PLA2G15: variants seen among roughly 807,000 people sequenced by gnomAD.
PLA2G15 encodes lysosomal phospholipase A and acyltransferase.
PLA2G15 carries 20 observed loss-of-function variants against 40.9 expected under a neutral mutation model. The observed-to-expected ratio is 0.49, with a 90% CI of 0.34 to 0.71. The LOEUF (loss-of-function observed/expected upper bound fraction) is 0.71, where lower values mean the gene tolerates loss of function less well. Among genes scored for constraint, PLA2G15 ranks in the 30% least tolerant of loss-of-function variants. The pLI is 0.01. For missense variants in PLA2G15, 471 were observed against 541.9 expected, an observed-to-expected ratio of 0.87 and a Z score of 1.30; for synonymous variants, 223 against 228.2, an observed-to-expected ratio of 0.98 and a Z score of 0.21.
At position 68,259,523 on chromosome 16, in the gene PLA2G15, C is replaced by T. The variant is rs200593918; in HGVS notation, c.1105C>T (p.Leu369=). 13 of 1,613,326 alleles carry T rather than the reference C, an allele frequency of 8.1e-6. No individual in the cohort carries two copies. The East Asian group carries it at 2.9e-4, about 36-fold the overall frequency. The change falls in exon 6 of 6, where the codon CTG becomes TTG. Residue 369 remains leucine (L), a synonymous_variant. Coordinates refer to ENST00000219345, the MANE Select transcript of PLA2G15 (RefSeq NM_012320.4). This position sits in a 1 kb window ranked among gnomAD's most constrained non-coding sequence, Gnocchi z 6.5. ...GDGTVNLKSA[L]QCQAWQSRQE... The stretch of plus-strand genomic sequence containing the variant: ...TGGTACTGTGAACTTGAAGAGTGCC[C>T]TGCAGTGCCAGGCCTGGCAGAGCCG...
At chr16:68,246,815 C>T (rs1331779949) in intron 1 of PLA2G15, among the ~76,000 whole-genome samples, 1 of 152,124 alleles carries the variant, frequency 6.6e-6, no homozygotes, top group Non-Finnish European at 1.5e-5. Flanking sequence ...GTGAGCATCT[C>T]AGGCTGCCTG....
Position 68,259,396 on chromosome 16 carries a change from G to A in PLA2G15, c.978G>A (p.Val326=), listed in dbSNP as rs774180353. 46 of 1,614,042 alleles carry A rather than the reference G, an allele frequency of 2.8e-5. No individual in the cohort carries two copies. In the South Asian group the frequency reaches 4.6e-4, roughly 16 times the overall value. The change falls in exon 6 of 6, where the codon GTG becomes GTA. Residue 326 remains valine, a synonymous_variant. Coordinates refer to ENST00000219345, the MANE Select transcript of PLA2G15 (RefSeq NM_012320.4). This position sits in a 1 kb window ranked among gnomAD's most constrained non-coding sequence, Gnocchi z 6.5. The part of the protein sequence containing the change: ...GLVEATMPPG[V]QLHCLYGTGV... ...TGGAAGCCACGATGCCACCTGGCGT[G>A]CAGCTGCACTGCCTCTATGGTACTG... is the stretch of plus-strand genomic sequence containing the variant.
Position 68,245,409 on chromosome 16 carries a change from C to T in PLA2G15, c.-18C>T, listed in dbSNP as rs768185738. The T allele has an allele frequency of 1.2e-6, 2 of 1,600,984 alleles. No individual in the cohort carries two copies. The highest frequency in any genetic ancestry group is 1.7e-4 in the Middle Eastern group (1 of 6,052). Reference sequence around the variant, plus strand: ...GAGCTGAACCTGCATCCCGGACCTGCGGCGACCGTCGTACACCATGGGCCT... The same window carrying T: ...GAGCTGAACCTGCATCCCGGACCTGTGGCGACCGTCGTACACCATGGGCCT... On this transcript the variant is annotated 5_prime_UTR_variant, in exon 1 of 6. Coordinates refer to ENST00000219345, the MANE Select transcript of PLA2G15 (RefSeq NM_012320.4).
At chr16:68,258,219 C>T (rs567710715) in intron 5 of PLA2G15, among the ~76,000 whole-genome samples, 7 of 152,346 alleles carry the variant, frequency 4.6e-5, no homozygotes, top group South Asian at 2.1e-4. Flanking sequence ...GTCTCCAGCA[C>T]GCCTGGCTGC....
At chr16:68,247,238 T>C (rs2042317116) in intron 1 of PLA2G15, among the ~76,000 whole-genome samples, 1 of 152,068 alleles carries the variant, frequency 6.6e-6, no homozygotes, top group African/African-American at 2.4e-5. Context: ...ATCAGAATCC[T>C]CTAGGGGTGG....
At position 68,249,270 on chromosome 16, in the gene PLA2G15, A is replaced by G. The variant is rs2042334484; in HGVS notation, c.128-20A>G. The stretch of plus-strand genomic sequence containing the variant: ...AACCTGCCGGGCTGAGGGCTCACAC[A>G]TGTCCTGTGCCCCCTGCAGTCCCTG... On this transcript the variant is annotated intron_variant, in intron 1 of 5. Coordinates refer to ENST00000219345, the MANE Select transcript of PLA2G15 (RefSeq NM_012320.4). 5 of 1,613,080 alleles carry G rather than the reference A, an allele frequency of 3.1e-6. No homozygotes were observed. Among genetic ancestry groups the G allele is most frequent in the South Asian group, 2.2e-5 (2 of 91,036 alleles).
At chr16:68,258,489 CTGG>C (rs1475027866) in intron 5 of PLA2G15, among the ~76,000 whole-genome samples, 2 of 152,122 alleles carry the variant, frequency 1.3e-5, no homozygotes, top group African/African-American at 4.8e-5. Flanking sequence ...GCCTTACTCC[CTGG>C]TGAGGAAAGC....
Position 68,255,430 on chromosome 16 carries a change from A to G in PLA2G15, c.502+50A>G. On this transcript the variant is annotated intron_variant, in intron 4 of 5. Transcript: ENST00000219345. This position sits in a 1 kb window ranked among gnomAD's most constrained non-coding sequence, Gnocchi z 5.9. ...CCTGACGTCTCGGGAGGTAGGGGTG[A>G]GGTGATCATGGGCACCACAGACCTT... The G allele has an allele frequency of 1.5e-6, 2 of 1,302,046 alleles. No homozygotes were observed. Among genetic ancestry groups the G allele is most frequent in the South Asian group, 2.6e-5 (2 of 76,234 alleles). 80.7% of individuals were successfully genotyped at this position (1,302,046 alleles called of 1,614,324 possible).
Position 68,255,083 on chromosome 16 carries a change from CT to C in PLA2G15, c.403+47del. 1 of 1,297,560 alleles carries C rather than the reference CT, an allele frequency of 7.7e-7. No individual in the cohort carries two copies. Among genetic ancestry groups the C allele is most frequent in the Admixed American group, 1.7e-5 (1 of 59,308 alleles). The allele number at this position is 1,297,560 out of a possible 1,614,324, so 80.4% of individuals were successfully genotyped here. A position where few individuals can be genotyped will look rare whatever the true frequency, so the allele number is the denominator to read the frequency against. Reference sequence around the variant, plus strand: ...GCCTCCGGGAGCTGGGATGGGGTTTCTGCCGGACTGGAGCTGGAGCTGGAGG... The same window carrying C: ...GCCTCCGGGAGCTGGGATGGGGTTTCGCCGGACTGGAGCTGGAGCTGGAGG... On this transcript the variant is annotated intron_variant, in intron 3 of 5. Transcript: ENST00000219345. This position sits in a 1 kb window ranked among gnomAD's most constrained non-coding sequence, Gnocchi z 5.9.
chr16:68,252,870 G>A (rs1441726430), intron 2 of PLA2G15, among the ~76,000 whole-genome samples: 2 of 152,168 alleles, frequency 1.3e-5, no homozygotes, highest in Non-Finnish European at 2.9e-5. Context: ...CTGTTCAGGA[G>A]GGTGAGGTAA....
In PLA2G15 at chr16:68,259,573, G is replaced by A; in HGVS notation, c.1155G>A (p.Gln385=). 6.2e-7 allele frequency: 1 copy of A among 1,613,452 alleles called. No homozygotes were observed. Among genetic ancestry groups the A allele is most frequent in the Non-Finnish European group, 8.5e-7 (1 of 1,180,030 alleles). Residue 385 remains glutamine, a synonymous_variant, in exon 6 of 6, where the codon CAG becomes CAA. Coordinates refer to ENST00000219345, the MANE Select transcript of PLA2G15 (RefSeq NM_012320.4). The surrounding 1 kb of genome is among the most constrained non-coding windows in gnomAD (Gnocchi z 6.5). The part of the protein sequence containing the change: ...QSRQEHQVLL[Q]ELPGSEHIEM... ...GCCAGGAGCACCAAGTGTTGCTGCA[G>A]GAGCTGCCAGGCAGCGAGCACATCG...
At position 68,260,716 on chromosome 16, in the gene PLA2G15, G is replaced by A. The variant is rs866821930; in HGVS notation, c.*1059G>A. 6 of 152,250 alleles carry A rather than the reference G, an allele frequency of 3.9e-5. No homozygotes were observed. The highest frequency in any genetic ancestry group is 2.0e-4 in the Admixed American group (3 of 15,292). 9.4% of individuals were successfully genotyped at this position (152,250 alleles called of 1,614,324 possible). A position where few individuals can be genotyped will look rare whatever the true frequency, so the allele number is the denominator to read the frequency against. On this transcript the variant is annotated 3_prime_UTR_variant, in exon 6 of 6. Transcript: ENST00000219345. ...CTTGAATGGGACCCTGAGAGAGCCA[G>A]GGGTCCCCTGAGGCCCCCCTAGGGG...
At chr16:68,256,248 C>T (rs1234040522) in intron 5 of PLA2G15, 1 of 444,298 alleles carries the variant, frequency 2.3e-6, no homozygotes, top group African/African-American at 2.0e-5. Flanking sequence ...GGTGGATCCC[C>T]ACACTATTAG....
chr16:68,249,296 G>C lies in PLA2G15; in HGVS notation c.134G>C (p.Gly45Ala). 1 of 1,614,138 alleles carries C rather than the reference G, an allele frequency of 6.2e-7. No individual in the cohort carries two copies. The highest frequency in any genetic ancestry group is 8.5e-7 in the Non-Finnish European group (1 of 1,179,982). Residue 45 changes from glycine to alanine, a missense_variant, in exon 2 of 6, where the codon GGT (glycine) becomes GCT (alanine). Transcript: ENST00000219345. ...TGTCCTGTGCCCCCTGCAGTCCCTG[G>C]TGATTTGGGTAACCAACTGGAAGCC... ...GRHPPVVLVP[G>A]DLGNQLEAKL...
intron 2 of PLA2G15, among the ~76,000 whole-genome samples, chr16:68,254,000 C>G (rs2042378784): frequency 6.6e-6 from 1 of 152,100 alleles, no homozygotes; most frequent in Non-Finnish European, 1.5e-5. Flanking sequence ...CTGTCTGGTT[C>G]TGTTGTGTAC....
At chr16:68,254,309 A>ATTTT (rs879549920) in intron 2 of PLA2G15, 47 of 123,628 alleles carry the variant, frequency 3.8e-4, no homozygotes, top group East Asian at 3.5e-3. Context: ...TGTGCTTTTT[A>ATTTT]TTTTTATTTA....
intron 2 of PLA2G15, chr16:68,250,482 A>G: frequency 4.7e-6 from 1 of 214,158 alleles, no homozygotes; most frequent in Non-Finnish European, 9.6e-6. Flanking sequence ...CGTGTTAACC[A>G]GGATGGTCTC....
intron 5 of PLA2G15, among the ~76,000 whole-genome samples, chr16:68,257,836 T>A (rs1222951129): frequency 6.6e-6 from 1 of 152,212 alleles, no homozygotes; most frequent in African/African-American, 2.4e-5. Context: ...TCAGAGTTTC[T>A]CTGTGAGTCC....
intron 5 of PLA2G15, chr16:68,256,522 T>C (rs1258585127): frequency 2.0e-5 from 3 of 152,194 alleles, no homozygotes; most frequent in Admixed American, 6.6e-5. Flanking sequence ...TTTTTTAATT[T>C]TTATTTTTTG....
Sources: gnomAD v4.1 joint callset for allele counts (sites outside exome capture counted in the v4.1 genomes callset) on GRCh38, gnomAD v4.1.1 for gene constraint, Gnocchi (gnomAD v3.1) non-coding constraint, MANE v1.5 for transcripts, NCBI Gene and HGNC (gene_info 2026-07-23, HGNC 2026-07-21) for gene names.